The following NR5A2 variants were observed in gnomAD, a reference collection of about 807,000 sequenced individuals.
NR5A2 encodes the protein nuclear receptor subfamily 5 group A member 2, also known as CYP7A promoter-binding factor.
In NR5A2, 26 loss-of-function variants were observed where a neutral mutation model predicts 62.7. The ratio of observed to expected loss-of-function variants is 0.41; its 90% CI spans 0.30 to 0.58. The LOEUF is 0.58. Ranked by LOEUF, NR5A2 falls within the 20% of genes least tolerant of loss-of-function variation. The pLI, the probability that NR5A2 is intolerant of heterozygous loss-of-function variation, is 0.22. For missense variants in NR5A2, 541 were observed against 669.1 expected (o/e 0.81, Z 2.11); for synonymous variants, 246 against 241.7 (o/e 1.02, Z -0.16).
At chr1:200,042,161 A>G (rs1662120822) in intron 2 of NR5A2, among the ~76,000 whole-genome samples, 1 of 151,810 alleles carries the variant, frequency 6.6e-6, no homozygotes, top group Non-Finnish European at 1.5e-5. Context: ...GCATCCCTTT[A>G]TTAATATTTC....
At chr1:200,118,781 CA>C (rs1201317611) in intron 6 of NR5A2, among the ~76,000 whole-genome samples, 4 of 152,234 alleles carry the variant, frequency 2.6e-5, no homozygotes. Context: ...AGAGAACTGG[CA>C]AAATGATAGT....
chr1:200,092,500 A>G (rs1664862030), intron 5 of NR5A2, among the ~76,000 whole-genome samples: 1 of 152,156 alleles, frequency 6.6e-6, no homozygotes, highest in Admixed American at 6.5e-5. Flanking sequence ...ATACTTCACC[A>G]TATTGATCTG....
chr1:200,101,049 A>C (rs560546273), intron 5 of NR5A2, among the ~76,000 whole-genome samples: 1 of 152,298 alleles, frequency 6.6e-6, no homozygotes, highest in South Asian at 2.1e-4. Context: ...TATTCATCTC[A>C]CATGTAAACT....
intron 5 of NR5A2, among the ~76,000 whole-genome samples, chr1:200,079,646 A>G (rs1664199246): frequency 6.6e-6 from 1 of 152,220 alleles, no homozygotes; most frequent in African/African-American, 2.4e-5. Context: ...ACAATTGGTT[A>G]TGGCGTGTGA....
intron 5 of NR5A2, among the ~76,000 whole-genome samples, chr1:200,082,928 C>T (rs1054826292): frequency 1.5e-4 from 23 of 152,216 alleles, no homozygotes; most frequent in African/African-American, 5.5e-4. Context: ...GATGACCCTT[C>T]CAACATATAC....
chr1:200,154,519 C>T (rs563954272), intron 7 of NR5A2, among the ~76,000 whole-genome samples: 173 of 152,204 alleles, frequency 1.1e-3, no homozygotes, highest in African/African-American at 3.9e-3. Flanking sequence ...GGTGGCCCCA[C>T]CACTGTCCAC....
intron 7 of NR5A2, among the ~76,000 whole-genome samples, chr1:200,145,468 T>TTGTGTG (rs66885184): frequency 0.016 from 2,289 of 142,154 alleles, 32 homozygotes; most frequent in East Asian, 0.034. Flanking sequence ...TTGATAGAAT[T>TTGTGTG]TGTGTGTGTG....
At position 200,168,210 on chromosome 1, in the gene NR5A2, C is replaced by CTTT. The variant is rs1164744059; in HGVS notation, c.1379-5738_1379-5736dup. On this transcript the variant is annotated intron_variant, in intron 7 of 7. Transcript: ENST00000367362. The stretch of plus-strand genomic sequence containing the variant: ...ATATAGTATATACACTTTATATCTA[C>CTTT]TTTTTTTTTTTTTTTTTAAGAGACA... Among the ~76,000 whole-genome samples the CTTT allele has an allele frequency of 1.1e-3, 151 of 141,172 alleles. 1 individual carries two copies. The highest frequency in any genetic ancestry group is 4.4e-3 in the South Asian group (20 of 4,536). The allele number at this position is 141,172 out of a possible 152,430, so 92.6% of individuals were successfully genotyped here.
chr1:200,079,864 G>C (rs1231201223), intron 5 of NR5A2, among the ~76,000 whole-genome samples: 1 of 113,484 alleles, frequency 8.8e-6, no homozygotes, highest in East Asian at 2.5e-4. Context: ...GGGTGGCCTT[G>C]TTATAAAAAA....
At chr1:200,164,656 T>C (rs1041180371) in intron 7 of NR5A2, among the ~76,000 whole-genome samples, 2 of 151,254 alleles carry the variant, frequency 1.3e-5, no homozygotes, top group Admixed American at 1.3e-4. Flanking sequence ...CAAGTGATTC[T>C]CCTGTCTCAG....
chr1:200,159,640 T>TTTG (rs1653546624), intron 7 of NR5A2, among the ~76,000 whole-genome samples: 1 of 148,594 alleles, frequency 6.7e-6, no homozygotes. Context: ...TTTTAAATTA[T>TTTG]TTATTATTAT....
chr1:200,151,249 C>A (rs1653099692), intron 7 of NR5A2, among the ~76,000 whole-genome samples: 1 of 152,018 alleles, frequency 6.6e-6, no homozygotes, highest in Admixed American at 6.6e-5. Flanking sequence ...ACATATTGGG[C>A]GATTATAGGA....
intron 5 of NR5A2, among the ~76,000 whole-genome samples, chr1:200,057,292 G>A (rs1662958876): frequency 6.6e-6 from 1 of 152,140 alleles, no homozygotes; most frequent in South Asian, 2.1e-4. Context: ...GGTGCTTTCA[G>A]GCCATTTTCT....
intron 5 of NR5A2, among the ~76,000 whole-genome samples, chr1:200,102,869 C>A (rs1056565309): frequency 2.0e-5 from 3 of 152,210 alleles, no homozygotes; most frequent in Middle Eastern, 3.4e-3. Context: ...GGGAAGACTT[C>A]CTGAAGGAGG....
intron 7 of NR5A2, 61 bp downstream of exon 7, chr1:200,121,016 A>G: frequency 6.3e-7 from 1 of 1,575,930 alleles, no homozygotes; most frequent in South Asian, 1.1e-5. Flanking sequence ...GTTGAAGTTC[A>G]AATATCTTGT....
intron 7 of NR5A2, among the ~76,000 whole-genome samples, chr1:200,140,718 A>ACATAACTATCCT (rs1176482076): frequency 6.6e-6 from 1 of 152,224 alleles, no homozygotes; most frequent in Non-Finnish European, 1.5e-5. Context: ...GCAACATCTC[A>ACATAACTATCCT]CATAACTATC....
chr1:200,085,765 A>G (rs1047203686), intron 5 of NR5A2, among the ~76,000 whole-genome samples: 3 of 152,206 alleles, frequency 2.0e-5, no homozygotes, highest in Non-Finnish European at 4.4e-5. Context: ...TTTGTGGGGA[A>G]TGTGTTCGAA....
chr1:200,108,126 C>T (rs115690973), intron 5 of NR5A2, among the ~76,000 whole-genome samples: 2,577 of 142,684 alleles, frequency 0.018, 74 homozygotes, highest in African/African-American at 0.065. Context: ...CAGGGTCTTG[C>T]TCTGTCACCC....
At chr1:200,129,895 C>G (rs72740842) in intron 7 of NR5A2, among the ~76,000 whole-genome samples, 2 of 152,156 alleles carry the variant, frequency 1.3e-5, no homozygotes, top group Non-Finnish European at 2.9e-5. Context: ...ATGAACCCCC[C>G]AGAAAGGAAG....
Sources: gnomAD v4.1 joint callset for allele counts (sites outside exome capture counted in the v4.1 genomes callset) on GRCh38, gnomAD v4.1.1 for gene constraint, MANE v1.5 for transcripts, NCBI Gene and HGNC (gene_info 2026-07-23, HGNC 2026-07-21) for gene names.